The following FAM149A variants were observed in gnomAD, a reference collection of about 807,000 sequenced individuals.
FAM149A encodes protein FAM149A.
A neutral mutation model predicts 78.2 loss-of-function variants in FAM149A; 71 were observed. The observed-to-expected ratio is 0.91, with a 90% CI of 0.75 to 1.11. FAM149A has a LOEUF of 1.11. Among genes scored for constraint, FAM149A ranks in the 50% least tolerant of loss-of-function variants. FAM149A has a pLI of 0.00. For synonymous variants in FAM149A, 446 were observed against 410.5 expected, an observed-to-expected ratio of 1.09 and a Z score of -1.04; for missense variants, 1,036 against 971.0, an observed-to-expected ratio of 1.07 and a Z score of -0.89.
intron 10 of FAM149A, 130 bp from the exon 11 acceptor site, chr4:186,165,214 T>C (rs556573061): frequency 1.8e-5 from 17 of 925,768 alleles, no homozygotes; most frequent in Non-Finnish European, 2.3e-5. Context: ...ATACCACACA[T>C]AGCAGAAATC....
chr4:186,118,893 G>C (rs1304689748), intron 1 of FAM149A, among the ~76,000 whole-genome samples: 3 of 151,618 alleles, frequency 2.0e-5, no homozygotes, highest in African/African-American at 4.9e-5. Flanking sequence ...GTAAGTTTCA[G>C]TTTTGTTTTG....
intron 1 of FAM149A, chr4:186,127,395 T>A (rs1288196410): frequency 1.0e-6 from 1 of 985,276 alleles, no homozygotes; most frequent in Non-Finnish European, 1.2e-6. Context: ...AGGGGATGCT[T>A]TTGACAAAAG....
intron 3 of FAM149A, among the ~76,000 whole-genome samples, chr4:186,151,525 G>T (rs969446923): frequency 6.6e-6 from 1 of 152,190 alleles, no homozygotes; most frequent in South Asian, 2.1e-4. Flanking sequence ...AGGTGTGTCA[G>T]GCACAGCTCT....
At chr4:186,130,293 C>CTATATATATATATA (rs1554068050) in intron 1 of FAM149A, 19 of 46,588 alleles carry the variant, frequency 4.1e-4, no homozygotes, top group African/African-American at 9.0e-4. Flanking sequence ...CTCTCTCTCT[C>CTATATATATATATA]TATATATATA....
intron 10 of FAM149A, 73 bp from the exon 11 acceptor site, chr4:186,165,271 T>C: frequency 6.4e-7 from 1 of 1,558,974 alleles, no homozygotes; most frequent in Non-Finnish European, 8.8e-7. Context: ...AAATCACAGC[T>C]CTTGGCAGAT....
At chr4:186,160,324 A>G (rs1228623168) in intron 8 of FAM149A, among the ~76,000 whole-genome samples, 2 of 122,792 alleles carry the variant, frequency 1.6e-5, no homozygotes, top group East Asian at 5.1e-4. Flanking sequence ...CCACACACCA[A>G]ACACACACCA....
At chr4:186,128,473 T>TA (rs565736202) in intron 1 of FAM149A, among the ~76,000 whole-genome samples, 3,246 of 144,682 alleles carry the variant, frequency 0.022, 128 homozygotes, top group African/African-American at 0.072. Context: ...CTAAATATTA[T>TA]AAAAAAAAAA....
intron 1 of FAM149A, among the ~76,000 whole-genome samples, chr4:186,136,901 C>T (rs989236946): frequency 4.0e-5 from 6 of 149,734 alleles, no homozygotes; most frequent in South Asian, 4.3e-4. Context: ...GTGCCCCCTT[C>T]GAAGAATGAT....
intron 13 of FAM149A, among the ~76,000 whole-genome samples, chr4:186,167,847 C>G (rs1735192689): frequency 6.6e-6 from 1 of 152,136 alleles, no homozygotes; most frequent in Non-Finnish European, 1.5e-5. Flanking sequence ...TCCACCCTCG[C>G]TCTGCCACCG....
chr4:186,128,275 C>T (rs2099319251), intron 1 of FAM149A, among the ~76,000 whole-genome samples: 1 of 151,992 alleles, frequency 6.6e-6, no homozygotes. Context: ...CGGCATGAGT[C>T]ACTGCGCCTG....
chr4:186,167,428 A>G (rs763340108), intron 13 of FAM149A, 166 bp downstream of exon 13: 1 of 706,008 alleles, frequency 1.4e-6, no homozygotes, highest in South Asian at 1.5e-5. Flanking sequence ...ATCACAGAGC[A>G]CACCTGCAGA....
At chr4:186,122,000 C>T (rs543714124) in intron 1 of FAM149A, among the ~76,000 whole-genome samples, 13 of 152,326 alleles carry the variant, frequency 8.5e-5, no homozygotes, top group Admixed American at 6.5e-4. Context: ...TCCTGGCTGG[C>T]ACCATGCTAG....
At chr4:186,145,340 T>TGTGA (rs1397010405) in intron 1 of FAM149A, among the ~76,000 whole-genome samples, 1 of 152,026 alleles carries the variant, frequency 6.6e-6, no homozygotes. Context: ...GTCAGGGCGG[T>TGTGA]GTGAGTGTTC....
intron 13 of FAM149A, chr4:186,169,475 T>C (rs1034792056): frequency 1.0e-6 from 1 of 985,346 alleles, no homozygotes; most frequent in Non-Finnish European, 1.2e-6. Context: ...CTAAGTCTTA[T>C]CCCTCAAAAG....
chr4:186,159,126 T>C (rs1203027721), intron 8 of FAM149A, among the ~76,000 whole-genome samples: 2 of 152,182 alleles, frequency 1.3e-5, no homozygotes, highest in African/African-American at 2.4e-5. Flanking sequence ...TGAGTATACA[T>C]TGGGCTTACT....
rs2099309952 is a variant in FAM149A, at chr4:186,108,886, CG to C, written c.566+3245del. ...TTTTTGAGACGGAGTCTTGCTCTGT[CG>C]CCCAGGCTGGAGTGCAGTGGCGCGA... On this transcript the variant is annotated intron_variant, in intron 1 of 13. Transcript: ENST00000389354. Among the ~76,000 whole-genome samples, 4 of 148,440 alleles carry C rather than the reference CG, an allele frequency of 2.7e-5. No homozygotes were observed. The South Asian group carries it at 8.5e-4, about 31-fold the overall frequency.
chr4:186,125,920 G>C (rs1173811510), intron 1 of FAM149A: 11 of 985,180 alleles, frequency 1.1e-5, no homozygotes, highest in Non-Finnish European at 1.3e-5. Flanking sequence ...CTGCAGACTC[G>C]CACTGGCAAG....
Position 186,144,741 on chromosome 4 carries a change from CGGGG to C in FAM149A, c.567-4431_567-4428del. ...GTCGGCGCGGGGCCGGGGCCGGGGC[CGGGG>C]CCCGGAGCGGGGATGGGCGGGCGCA... On this transcript the variant is annotated intron_variant, in intron 1 of 13. Transcript: ENST00000389354. The surrounding 1 kb of genome is among the most constrained non-coding windows in gnomAD (Gnocchi z 4.2). The C allele has an allele frequency of 1.1e-6, 1 of 880,220 alleles. No individual in the cohort carries two copies. The highest frequency in any genetic ancestry group is 1.4e-6 in the Non-Finnish European group (1 of 733,948). The allele number at this position is 880,220 out of a possible 1,614,324, so 54.5% of individuals were successfully genotyped here.
At chr4:186,116,593 A>G (rs1368194349) in intron 1 of FAM149A, 1 of 874,514 alleles carries the variant, frequency 1.1e-6, no homozygotes, top group Non-Finnish European at 1.3e-6. Context: ...TGTTATATTT[A>G]AATTTTTTTT....
Sources: allele counts gnomAD v4.1 joint callset (sites outside exome capture counted in the v4.1 genomes callset), GRCh38; gene constraint gnomAD v4.1.1; non-coding constraint Gnocchi (gnomAD v3.1); transcripts MANE v1.5; gene names NCBI Gene and HGNC (gene_info 2026-07-23, HGNC 2026-07-21).